FBXW11: variants seen among roughly 807,000 people sequenced by gnomAD.
FBXW11 encodes the protein F-box/WD repeat-containing protein 11.
FBXW11 carries 19 observed loss-of-function variants against 77.6 expected under a neutral mutation model. That is an observed-to-expected ratio of 0.24 (90% CI 0.17 to 0.36). FBXW11 has a LOEUF of 0.36. Among genes scored for constraint, FBXW11 ranks in the 10% least tolerant of loss-of-function variants. FBXW11 has a pLI of 1.00. For synonymous variants in FBXW11, 235 were observed against 249.4 expected, an observed-to-expected ratio of 0.94 and a Z score of 0.54; for missense variants, 334 against 704.2, an observed-to-expected ratio of 0.47 and a Z score of 5.95.
chr5:171,871,376 T>C (rs1757744144), intron 10 of FBXW11, among the ~76,000 whole-genome samples: 2 of 152,172 alleles, frequency 1.3e-5, no homozygotes, highest in African/African-American at 4.8e-5. Flanking sequence ...GTGGAGTCCA[T>C]AAGGACCACT....
At chr5:171,984,394 A>G (rs1479872201) in intron 1 of FBXW11, among the ~76,000 whole-genome samples, 1 of 152,218 alleles carries the variant, frequency 6.6e-6, no homozygotes, top group Non-Finnish European at 1.5e-5. Context: ...AGCTTATTAC[A>G]CAGTAGCCAG....
At chr5:171,996,415 C>T (rs1447996179) in intron 1 of FBXW11, among the ~76,000 whole-genome samples, 1 of 152,062 alleles carries the variant, frequency 6.6e-6, no homozygotes, top group Non-Finnish European at 1.5e-5. Context: ...GTCTGTAATC[C>T]CAACACTCTG....
At chr5:171,887,338 C>T (rs1758977919) in intron 7 of FBXW11, among the ~76,000 whole-genome samples, 1 of 151,870 alleles carries the variant, frequency 6.6e-6, no homozygotes. Context: ...GTGCGTTTGA[C>T]CTAGGTAGCT....
chr5:171,877,677 GGC>G (rs982851988), intron 8 of FBXW11, among the ~76,000 whole-genome samples: 14 of 151,978 alleles, frequency 9.2e-5, no homozygotes, highest in Non-Finnish European at 2.1e-4. Context: ...CAGCAGGGGT[GGC>G]GAAAGAGTCC....
intron 6 of FBXW11, 72 bp from the exon 7 acceptor site, chr5:171,891,676 T>A (rs114777320): frequency 5.3e-6 from 8 of 1,500,660 alleles, no homozygotes; most frequent in Non-Finnish European, 7.2e-6. Flanking sequence ...GACTTTGGCG[T>A]TGCTTCCAGA....
intron 6 of FBXW11, among the ~76,000 whole-genome samples, chr5:171,895,694 C>A (rs900521706): frequency 2.6e-5 from 4 of 152,230 alleles, no homozygotes; most frequent in African/African-American, 9.6e-5. Flanking sequence ...CAATTGGGGG[C>A]ACGCTAGAGT....
At chr5:171,929,889 GTGA>G (rs1762080318) in intron 2 of FBXW11, among the ~76,000 whole-genome samples, 1 of 152,026 alleles carries the variant, frequency 6.6e-6, no homozygotes, top group Non-Finnish European at 1.5e-5. Context: ...AAAAATAAAA[GTGA>G]TGGGATATTA....
intron 2 of FBXW11, among the ~76,000 whole-genome samples, chr5:171,930,131 G>A (rs1207811890): frequency 6.6e-6 from 1 of 152,326 alleles, no homozygotes; most frequent in East Asian, 1.9e-4. Flanking sequence ...ATCACATTAT[G>A]TATGAAAATA....
intron 1 of FBXW11, among the ~76,000 whole-genome samples, chr5:171,993,637 T>C (rs1487946364): frequency 6.6e-6 from 1 of 151,984 alleles, no homozygotes; most frequent in Non-Finnish European, 1.5e-5. Context: ...GAAAAGAATA[T>C]ACTAATCATG....
rs1763683868 is a variant in FBXW11, at chr5:171,957,657, C to T, written c.87G>A (p.Leu29=). 1 of 1,614,048 alleles carries T rather than the reference C, an allele frequency of 6.2e-7. No individual in the cohort carries two copies. The highest frequency in any genetic ancestry group is 8.5e-7 in the Non-Finnish European group (1 of 1,180,020). The change falls in exon 2 of 14, where the codon CTG becomes CTA. Residue 29 remains leucine, a synonymous_variant. Coordinates refer to ENST00000517395, the MANE Select transcript of FBXW11 (RefSeq NM_001378974.1). ...AACTCAGTGCGCACATGCTCTCTACCAGGTTGGCGCAGCCTAGCCACAAAG... is the reference window on the plus strand; with the variant it reads ...AACTCAGTGCGCACATGCTCTCTACTAGGTTGGCGCAGCCTAGCCACAAAG... The part of the protein sequence containing the change: ...PRSLWLGCAN[L]VESMCALSCL...
intron 1 of FBXW11, among the ~76,000 whole-genome samples, chr5:171,967,615 G>C (rs1764262380): frequency 6.6e-6 from 1 of 152,058 alleles, no homozygotes. Flanking sequence ...CGAGGCAGGC[G>C]GATCACCTGA....
At chr5:171,958,943 C>T (rs1001353138) in intron 1 of FBXW11, among the ~76,000 whole-genome samples, 1 of 151,914 alleles carries the variant, frequency 6.6e-6, no homozygotes, top group African/African-American at 2.4e-5. Flanking sequence ...CCCCTCATAA[C>T]TTTCACTCTC....
chr5:171,953,849 C>T (rs1331508152), intron 2 of FBXW11, among the ~76,000 whole-genome samples: 11 of 152,158 alleles, frequency 7.2e-5, no homozygotes, highest in Admixed American at 7.2e-4. Context: ...AAAATATTCT[C>T]TTATATCAAA....
intron 1 of FBXW11, among the ~76,000 whole-genome samples, chr5:172,006,161 C>T (rs925128357): frequency 1.3e-5 from 2 of 152,178 alleles, no homozygotes; most frequent in Non-Finnish European, 2.9e-5. Flanking sequence ...AGAGCGAGTG[C>T]GACCTAAGTC....
At chr5:172,003,302 G>A (rs1435258018) in intron 1 of FBXW11, 1 of 152,128 alleles carries the variant, frequency 6.6e-6, no homozygotes, top group East Asian at 1.9e-4. Context: ...GCTTTCTAGT[G>A]ATGAGTGCCT....
chr5:171,903,246 G>A (rs1343276994), intron 4 of FBXW11, among the ~76,000 whole-genome samples: 2 of 151,948 alleles, frequency 1.3e-5, no homozygotes, highest in Non-Finnish European at 1.5e-5. Flanking sequence ...ACAGGCACAT[G>A]CCTCCACACC....
chr5:171,918,190 T>C (rs1258701346), intron 2 of FBXW11, among the ~76,000 whole-genome samples: 3 of 151,856 alleles, frequency 2.0e-5, no homozygotes, highest in African/African-American at 4.8e-5. Context: ...ATTCCAAAAG[T>C]ATAATACAGA....
chr5:171,865,080 T>C (rs1237603184), intron 13 of FBXW11, among the ~76,000 whole-genome samples: 3 of 152,088 alleles, frequency 2.0e-5, no homozygotes, highest in African/African-American at 7.2e-5. Context: ...GTCTTCTCAA[T>C]GAATTTAAGA....
chr5:171,903,263 AT>A (rs912108271), intron 4 of FBXW11, among the ~76,000 whole-genome samples: 2 of 151,310 alleles, frequency 1.3e-5, no homozygotes, highest in Non-Finnish European at 2.9e-5. Context: ...CACCCAGCTA[AT>A]TTTTTTTTAT....
Sources: gnomAD v4.1 joint callset for allele counts (sites outside exome capture counted in the v4.1 genomes callset) on GRCh38, gnomAD v4.1.1 for gene constraint, MANE v1.5 for transcripts, NCBI Gene and HGNC (gene_info 2026-07-23, HGNC 2026-07-21) for gene names.